The following GRM8 variants were observed in gnomAD, a reference collection of about 807,000 sequenced individuals.
GRM8 encodes the protein glutamate metabotropic receptor 8, also known as metabotropic glutamate receptor 8.
In GRM8, 47 loss-of-function variants were observed where a neutral mutation model predicts 87.2. The observed-to-expected ratio is 0.54, with a 90% CI of 0.43 to 0.69. The LOEUF (loss-of-function observed/expected upper bound fraction) is 0.69. Among genes scored for constraint, GRM8 ranks in the 30% least tolerant of loss-of-function variants. GRM8 has a pLI of 0.00. For missense variants in GRM8, 1,019 were observed against 1,139.2 expected (o/e 0.89, Z 1.52); for synonymous variants, 396 against 404.5 (o/e 0.98, Z 0.25).
At chr7:126,872,837 G>A (rs548731303) in intron 6 of GRM8, among the ~76,000 whole-genome samples, 1 of 152,130 alleles carries the variant, frequency 6.6e-6, no homozygotes, top group South Asian at 2.1e-4. Flanking sequence ...CATTTGAGCC[G>A]CTCTTTAATT....
At chr7:126,761,131 G>C (rs1817550092) in intron 7 of GRM8, among the ~76,000 whole-genome samples, 1 of 152,056 alleles carries the variant, frequency 6.6e-6, no homozygotes, top group South Asian at 2.1e-4. Context: ...TCAGGAGGCG[G>C]AGGTTGCAGT....
chr7:126,840,877 C>A (rs1208147430), intron 6 of GRM8, among the ~76,000 whole-genome samples: 1 of 152,220 alleles, frequency 6.6e-6, no homozygotes, highest in Non-Finnish European at 1.5e-5. Context: ...TTAGATTACT[C>A]TTGCCCCTAT....
chr7:126,588,904 G>A (rs192066125), intron 8 of GRM8, among the ~76,000 whole-genome samples: 115 of 152,248 alleles, frequency 7.6e-4, no homozygotes, highest in African/African-American at 2.7e-3. Context: ...ACCTAGAACT[G>A]AGACAATTTA....
At chr7:127,111,412 C>T (rs2133125001) in intron 2 of GRM8, among the ~76,000 whole-genome samples, 1 of 152,182 alleles carries the variant, frequency 6.6e-6, no homozygotes, top group African/African-American at 2.4e-5. Context: ...CAGTTTTTAC[C>T]TAACCACCCA....
At chr7:127,144,870 C>G (rs1023174826) in intron 2 of GRM8, among the ~76,000 whole-genome samples, 3 of 152,080 alleles carry the variant, frequency 2.0e-5, no homozygotes, top group Non-Finnish European at 4.4e-5. Flanking sequence ...GATTTCCTTT[C>G]TGCGGTTAAA....
chr7:126,847,505 G>T (rs756753526), intron 6 of GRM8, among the ~76,000 whole-genome samples: 2 of 152,156 alleles, frequency 1.3e-5, no homozygotes, highest in Non-Finnish European at 2.9e-5. Flanking sequence ...ATCCACTGAT[G>T]CCCCTTGAGG....
At chr7:126,535,964 G>GA (rs1815649393) in intron 8 of GRM8, among the ~76,000 whole-genome samples, 2 of 152,300 alleles carry the variant, frequency 1.3e-5, no homozygotes, top group South Asian at 2.1e-4. Context: ...CCTGAGCCAG[G>GA]AAAACACAGC....
At chr7:126,815,618 C>A (rs1793714908) in intron 6 of GRM8, among the ~76,000 whole-genome samples, 1 of 152,130 alleles carries the variant, frequency 6.6e-6, no homozygotes, top group Non-Finnish European at 1.5e-5. Context: ...GTAGTACAGG[C>A]TATATGCTAC....
At chr7:127,091,477 G>A (rs1255270073) in intron 3 of GRM8, among the ~76,000 whole-genome samples, 14 of 50,432 alleles carry the variant, frequency 2.8e-4, no homozygotes, top group African/African-American at 7.7e-4. Flanking sequence ...CACCATCCCC[G>A]TCTCACTGAT....
intron 8 of GRM8, among the ~76,000 whole-genome samples, chr7:126,534,835 C>T (rs568221724): frequency 6.6e-6 from 1 of 152,258 alleles, no homozygotes; most frequent in African/African-American, 2.4e-5. Flanking sequence ...AAAGCAGCTA[C>T]TATAAAAGGT....
intron 7 of GRM8, among the ~76,000 whole-genome samples, chr7:126,724,703 T>C (rs1379339372): frequency 6.6e-6 from 1 of 151,254 alleles, no homozygotes; most frequent in African/African-American, 2.4e-5. Context: ...CATTTTAAAA[T>C]ATGTGCCTGA....
chr7:126,492,351 T>G (rs995066719), intron 9 of GRM8, among the ~76,000 whole-genome samples: 1 of 152,022 alleles, frequency 6.6e-6, no homozygotes, highest in Non-Finnish European at 1.5e-5. Flanking sequence ...GCACCTGGCC[T>G]ATAAGGAACT....
intron 3 of GRM8, among the ~76,000 whole-genome samples, chr7:126,922,880 C>A (rs1297878131): frequency 1.3e-5 from 2 of 152,202 alleles, no homozygotes; most frequent in South Asian, 4.1e-4. Context: ...ATGTAAGACA[C>A]CTGTTCCCAC....
At chr7:126,618,439 G>A (rs1380826619) in intron 7 of GRM8, among the ~76,000 whole-genome samples, 1 of 152,086 alleles carries the variant, frequency 6.6e-6, no homozygotes, top group African/African-American at 2.4e-5. Flanking sequence ...AGAAAACCTG[G>A]GCAATACCAT....
intron 8 of GRM8, among the ~76,000 whole-genome samples, chr7:126,571,660 C>T (rs1401908895): frequency 1.3e-5 from 2 of 152,170 alleles, no homozygotes; most frequent in East Asian, 3.9e-4. Flanking sequence ...GGGCTGCCTT[C>T]CCCTTCAGAT....
At chr7:126,451,562 T>C (rs1001179387) in intron 9 of GRM8, among the ~76,000 whole-genome samples, 1 of 151,720 alleles carries the variant, frequency 6.6e-6, no homozygotes, top group African/African-American at 2.4e-5. Context: ...AATAATCCCA[T>C]TATTCATAAA....
intron 7 of GRM8, among the ~76,000 whole-genome samples, chr7:126,647,105 T>C (rs1299775793): frequency 1.3e-5 from 2 of 152,016 alleles, no homozygotes; most frequent in Admixed American, 1.3e-4. Flanking sequence ...TAAATCTCCT[T>C]TAGGAGCCAA....
intron 6 of GRM8, among the ~76,000 whole-genome samples, chr7:126,796,412 C>G (rs1450422645): frequency 6.6e-6 from 1 of 152,084 alleles, no homozygotes; most frequent in African/African-American, 2.4e-5. Context: ...TAATCCACTT[C>G]TTTAAAATGT....
intron 2 of GRM8, among the ~76,000 whole-genome samples, chr7:127,148,978 C>A (rs752802198): frequency 6.6e-6 from 1 of 151,972 alleles, no homozygotes; most frequent in East Asian, 1.9e-4. Flanking sequence ...AACTATAAAA[C>A]TTCTAGAAGA....
Sources: allele counts gnomAD v4.1 joint callset (sites outside exome capture counted in the v4.1 genomes callset), GRCh38; gene constraint gnomAD v4.1.1; transcripts MANE v1.5; gene names NCBI Gene and HGNC (gene_info 2026-07-23, HGNC 2026-07-21).